Variants in NXN observed in about 807,000 individuals in gnomAD.
NXN encodes nucleoredoxin, also known as nucleoredoxin 1.
Under a neutral mutation model 48.6 loss-of-function variants are expected in NXN, and 16 were observed. That is an observed-to-expected ratio of 0.33 (90% CI 0.22 to 0.50). NXN has a LOEUF of 0.50. Among genes scored for constraint, NXN ranks in the 20% least tolerant of loss-of-function variants. The probability of loss-of-function intolerance (pLI) is 0.98; values close to 1 mark genes in which losing one functional copy is unlikely to be tolerated. For missense variants in NXN, 492 were observed against 605.5 expected (o/e 0.81, Z 1.97); for synonymous variants, 281 against 269.6 (o/e 1.04, Z -0.41).
chr17:801,565 C>A (rs779538555), intron 7 of NXN, among the ~76,000 whole-genome samples: 1 of 151,400 alleles, frequency 6.6e-6, no homozygotes, highest in African/African-American at 2.4e-5. Flanking sequence ...CCTGCCTCAG[C>A]CTCCTGAGTA....
intron 1 of NXN, among the ~76,000 whole-genome samples, chr17:860,396 T>A (rs1228269208): frequency 7.3e-4 from 26 of 35,758 alleles, no homozygotes; most frequent in African/African-American, 3.3e-3. Context: ...AGTGCTGGGA[T>A]GACAGGCGTG....
chr17:837,292 TAA>T (rs1343743943), intron 1 of NXN, among the ~76,000 whole-genome samples: 1 of 152,166 alleles, frequency 6.6e-6, no homozygotes, highest in African/African-American at 2.4e-5. Flanking sequence ...TGCCATCTTC[TAA>T]ATGCTCCAGC....
intron 1 of NXN, among the ~76,000 whole-genome samples, chr17:877,595 G>A (rs901423691): frequency 6.6e-6 from 1 of 152,132 alleles, no homozygotes; most frequent in East Asian, 1.9e-4. Flanking sequence ...TACGGAAGAC[G>A]GACGCGTACA....
chr17:883,581 T>C (rs2068308941), intron 1 of NXN, among the ~76,000 whole-genome samples: 1 of 152,226 alleles, frequency 6.6e-6, no homozygotes, highest in African/African-American at 2.4e-5. Context: ...GGGGACCCTC[T>C]GGTCTCCTCT....
intron 1 of NXN, among the ~76,000 whole-genome samples, chr17:856,487 CTTT>C (rs35579004): frequency 0.012 from 1,453 of 121,040 alleles, 23 homozygotes; most frequent in African/African-American, 0.043. Flanking sequence ...AAGTACTTGT[CTTT>C]TTTTTTTTTT....
rs1324485799 is a variant in NXN at position 947,349 on chromosome 17, A to C, written c.360+31970T>G. Among the ~76,000 whole-genome samples the C allele has an allele frequency of 3.3e-5, 5 of 152,288 alleles. No individual in the cohort carries two copies. In the East Asian group the frequency reaches 9.6e-4, roughly 29 times the overall value. On this transcript the variant is annotated intron_variant, in intron 1 of 7. Transcript: ENST00000336868. ...TTATGGGCAGACATAATGGGGCTACACAGGCATTGAGCTGATTTTACACAG... is the reference window on the plus strand; with the variant it reads ...TTATGGGCAGACATAATGGGGCTACCCAGGCATTGAGCTGATTTTACACAG...
intron 1 of NXN, among the ~76,000 whole-genome samples, chr17:850,892 C>T (rs557736914): frequency 2.9e-4 from 44 of 152,308 alleles, no homozygotes; most frequent in Non-Finnish European, 4.7e-4. Flanking sequence ...AGAACCAAGA[C>T]GGGCAGAGGG....
intron 1 of NXN, among the ~76,000 whole-genome samples, chr17:870,900 C>T (rs1039556983): frequency 5.3e-5 from 8 of 152,070 alleles, no homozygotes; most frequent in Non-Finnish European, 7.4e-5. Context: ...ACTCTGTCGC[C>T]CAGGCTGGAG....
At chr17:806,080 C>T (rs12941818) in intron 5 of NXN, among the ~76,000 whole-genome samples, 1 of 149,534 alleles carries the variant, frequency 6.7e-6, no homozygotes, top group African/African-American at 2.5e-5. Flanking sequence ...CTGGCCGCAC[C>T]GGAGACTCGA....
chr17:858,607 A>T (rs1379017934), intron 1 of NXN, among the ~76,000 whole-genome samples: 1 of 152,054 alleles, frequency 6.6e-6, no homozygotes, highest in African/African-American at 2.4e-5. Flanking sequence ...GGGCGCCTGT[A>T]GTCCCAGCTG....
chr17:897,753 G>A (rs932945349), intron 1 of NXN, among the ~76,000 whole-genome samples: 7 of 152,072 alleles, frequency 4.6e-5, no homozygotes, highest in Non-Finnish European at 1.0e-4. Context: ...TCGGCTCACT[G>A]CAACCTCGGC....
chr17:903,799 G>A (rs866690498), intron 1 of NXN, among the ~76,000 whole-genome samples: 7 of 152,224 alleles, frequency 4.6e-5, no homozygotes, highest in Middle Eastern at 3.4e-3. Context: ...AGGAGCTGCC[G>A]GAAGTCATAC....
intron 1 of NXN, among the ~76,000 whole-genome samples, chr17:973,030 CA>C (rs529073688): frequency 0.078 from 6,381 of 81,458 alleles, 236 homozygotes; most frequent in East Asian, 0.34. Flanking sequence ...GACTGCGTCT[CA>C]AAAAAAAAAA....
rs560899003 is a variant in NXN at position 916,279 on chromosome 17, C to T, written c.360+63040G>A. Among the ~76,000 whole-genome samples, 6 of 152,212 alleles carry T rather than the reference C, an allele frequency of 3.9e-5. No individual in the cohort carries two copies. The South Asian group carries it at 6.2e-4, about 16-fold the overall frequency. On this transcript the variant is annotated intron_variant, in intron 1 of 7. Coordinates refer to ENST00000336868, the MANE Select transcript of NXN (RefSeq NM_022463.5). ...CAAGGAGTGAGGTGCTGTGAGGTTC[C>T]CGTGGTGCAGGATCCATTTTATCCT...
At chr17:959,801 A>T (rs1289619601) in intron 1 of NXN, among the ~76,000 whole-genome samples, 2 of 150,874 alleles carry the variant, frequency 1.3e-5, no homozygotes, top group Non-Finnish European at 3.0e-5. Context: ...TATAAAAAAA[A>T]AAAAAACAGG....
intron 5 of NXN, among the ~76,000 whole-genome samples, chr17:812,389 G>A (rs1405681218): frequency 5.9e-5 from 9 of 152,200 alleles, no homozygotes; most frequent in Non-Finnish European, 1.2e-4. Context: ...ACCTGGCACT[G>A]CTCTGTGAAG....
intron 5 of NXN, among the ~76,000 whole-genome samples, chr17:817,511 T>C (rs1160103651): frequency 1.3e-5 from 2 of 151,624 alleles, no homozygotes; most frequent in African/African-American, 4.9e-5. Flanking sequence ...CTACTAAAAA[T>C]ACAAAAAATT....
At chr17:829,675 C>T (rs766453886) in intron 1 of NXN, among the ~76,000 whole-genome samples, 16 of 151,990 alleles carry the variant, frequency 1.1e-4, no homozygotes, top group Non-Finnish European at 2.2e-4. Context: ...CCTGTGTCCA[C>T]GTGTTTTCAT....
rs2069192335 is a variant in NXN at position 958,120 on chromosome 17, T to A, written c.360+21199A>T. 6.6e-6 allele frequency among the ~76,000 whole-genome samples: 1 copy of A among 152,122 alleles called. No individual in the cohort carries two copies. The highest frequency in any genetic ancestry group is 6.6e-5 in the Admixed American group (1 of 15,262). ...TTCCCCTTCCTTCCCACACGGCTAT[T>A]TATATCTGGAATATCTCTCTGTCTT... On this transcript the variant is annotated intron_variant, in intron 1 of 7. Transcript: ENST00000336868. This position sits in a 1 kb window ranked among gnomAD's most constrained non-coding sequence, Gnocchi z 6.9.
Sources: allele counts gnomAD v4.1 joint callset (sites outside exome capture counted in the v4.1 genomes callset), GRCh38; gene constraint gnomAD v4.1.1; non-coding constraint Gnocchi (gnomAD v3.1); transcripts MANE v1.5; gene names NCBI Gene and HGNC (gene_info 2026-07-23, HGNC 2026-07-21).